Variants in NPAS2 observed in about 807,000 individuals in gnomAD.
NPAS2 encodes the protein neuronal PAS domain-containing protein 2.
Under a neutral mutation model 107.5 loss-of-function variants are expected in NPAS2, and 23 were observed. That is an observed-to-expected ratio of 0.21 (90% confidence interval 0.15 to 0.30). The LOEUF is 0.30. Ranked by LOEUF, NPAS2 falls within the 10% of genes least tolerant of loss-of-function variation. The probability of loss-of-function intolerance (pLI) is 1.00; values close to 1 mark genes in which losing one functional copy is unlikely to be tolerated. For synonymous variants in NPAS2, 403 were observed against 417.5 expected (o/e 0.97, Z 0.42); for missense variants, 756 against 1,043.3 (o/e 0.72, Z 3.79).
chr2:100,913,420 G>A (rs1682674734), intron 2 of NPAS2, among the ~76,000 whole-genome samples: 1 of 152,172 alleles, frequency 6.6e-6, no homozygotes, highest in African/African-American at 2.4e-5. Flanking sequence ...TATTTACTCA[G>A]TTAACAGAAC....
intron 1 of NPAS2, among the ~76,000 whole-genome samples, chr2:100,900,562 A>G (rs953820981): frequency 2.6e-5 from 4 of 152,202 alleles, no homozygotes; most frequent in African/African-American, 9.7e-5. Context: ...TGACACTCCT[A>G]GATATATACA....
At chr2:100,842,081 G>GCGCGCACGCACACACACA in intron 1 of NPAS2, among the ~76,000 whole-genome samples, 2 of 148,798 alleles carry the variant, frequency 1.3e-5, no homozygotes, top group Non-Finnish European at 1.5e-5. Context: ...GCATGTACGC[G>GCGCGCACGCACACACACA]CACACACACA....
At chr2:100,898,688 CATT>C (rs1681577682) in intron 1 of NPAS2, among the ~76,000 whole-genome samples, 1 of 151,442 alleles carries the variant, frequency 6.6e-6, no homozygotes, top group African/African-American at 2.4e-5. Context: ...CAGGTTCACT[CATT>C]ATATATCTAA....
At chr2:100,942,170 C>T (rs1674614265) in intron 5 of NPAS2, among the ~76,000 whole-genome samples, 1 of 152,194 alleles carries the variant, frequency 6.6e-6, no homozygotes. Flanking sequence ...CTGTATCATG[C>T]TGGCTCGCCA....
intron 16 of NPAS2, chr2:100,985,983 A>G (rs752754985): frequency 6.6e-6 from 1 of 152,190 alleles, no homozygotes; most frequent in Non-Finnish European, 1.5e-5. Context: ...AACGCATGGT[A>G]ATTGGGTTTG....
intron 5 of NPAS2, among the ~76,000 whole-genome samples, chr2:100,943,626 G>T (rs188365116): frequency 2.0e-4 from 30 of 152,378 alleles, no homozygotes; most frequent in Admixed American, 1.8e-3. Flanking sequence ...ACCAGCAGGG[G>T]CTATGGGAAG....
rs1372892623 is a variant in NPAS2, at chr2:100,993,488, T to C, written c.2253T>C (p.Pro751=). 1 of 1,603,970 alleles carries C rather than the reference T, an allele frequency of 6.2e-7. No homozygotes were observed. Residue 751 remains proline, a synonymous_variant, in exon 20 of 21, where the codon CCT becomes CCC. Coordinates refer to ENST00000335681, the MANE Select transcript of NPAS2 (RefSeq NM_002518.4). Reference sequence around the variant, plus strand: ...CCTCCCAACCATCGCCCCTGCAGCCTGCACAGGCCCGGCAGCAGCCACCGC... The same window carrying C: ...CCTCCCAACCATCGCCCCTGCAGCCCGCACAGGCCCGGCAGCAGCCACCGC... ...FPASQPSPLQ[P]AQARQQPPQH... is the part of the protein sequence containing the mutation.
chr2:100,985,463 G>A (rs1677727250), intron 16 of NPAS2: 1 of 152,202 alleles, frequency 6.6e-6, no homozygotes, highest in Non-Finnish European at 1.5e-5. Context: ...TACATCGATG[G>A]GACAGAGTAG....
intron 1 of NPAS2, among the ~76,000 whole-genome samples, chr2:100,835,798 G>A (rs769225590): frequency 2.6e-5 from 4 of 152,106 alleles, no homozygotes; most frequent in Non-Finnish European, 5.9e-5. Flanking sequence ...ACCCGAGATG[G>A]ACTGAATTTA....
upstream of NPAS2, among the ~76,000 whole-genome samples, chr2:100,819,505 C>T (rs1188556004): frequency 6.6e-6 from 1 of 152,102 alleles, no homozygotes; most frequent in East Asian, 1.9e-4. The surrounding 1 kb of genome is among the most constrained non-coding windows in gnomAD (Gnocchi z 5.8). Flanking sequence ...CCCCGCCGCT[C>T]ATTGAGAAAT....
intron 5 of NPAS2, among the ~76,000 whole-genome samples, chr2:100,948,012 T>G (rs1384233985): frequency 1.3e-5 from 2 of 152,232 alleles, no homozygotes. Flanking sequence ...GTTCCCTCCT[T>G]GGCCCACAGA....
chr2:100,920,640 G>A (rs1248315163), intron 2 of NPAS2, among the ~76,000 whole-genome samples: 2 of 152,126 alleles, frequency 1.3e-5, no homozygotes, highest in East Asian at 3.9e-4. Context: ...TTACTATAAA[G>A]TGTCCTCACC....
At chr2:100,937,648 A>T (rs1304598189) in intron 4 of NPAS2, 105 bp from the exon 5 acceptor site, 1 of 824,292 alleles carries the variant, frequency 1.2e-6, no homozygotes, top group Non-Finnish European at 2.1e-6. Context: ...TATTCTGAGG[A>T]TTATAAAACA....
chr2:100,820,664 G>A lies in NPAS2; in HGVS notation c.-23+250G>A, dbSNP rs1039414245. 6.6e-6 allele frequency among the ~76,000 whole-genome samples: 1 copy of A among 152,110 alleles called. No individual in the cohort carries two copies. Among genetic ancestry groups the A allele is most frequent in the Non-Finnish European group, 1.5e-5 (1 of 67,978 alleles). On this transcript the variant is annotated intron_variant, in intron 1 of 20. Transcript: ENST00000335681. This position sits in a 1 kb window ranked among gnomAD's most constrained non-coding sequence, Gnocchi z 5.6. The stretch of plus-strand genomic sequence containing the variant: ...GCAATCGCTGGGCCGGTGGGCTCCG[G>A]GCGCGTCTCGACGCAGAAGACAGAG...
chr2:100,934,649 G>T (rs1175433176), intron 4 of NPAS2, among the ~76,000 whole-genome samples: 1 of 152,226 alleles, frequency 6.6e-6, no homozygotes, highest in Admixed American at 6.5e-5. Flanking sequence ...CCCTGACTGT[G>T]TCAGGCTTCT....
chr2:100,979,251 A>G (rs1024225062), intron 15 of NPAS2, among the ~76,000 whole-genome samples: 2 of 151,872 alleles, frequency 1.3e-5, no homozygotes, highest in African/African-American at 4.8e-5. Flanking sequence ...AGAAAAAAAA[A>G]CCTGAATACT....
intron 7 of NPAS2, among the ~76,000 whole-genome samples, chr2:100,958,124 G>T (rs533999239): frequency 6.6e-6 from 1 of 152,158 alleles, no homozygotes; most frequent in East Asian, 1.9e-4. Context: ...GGTCACCCTC[G>T]GCAAACATTC....
chr2:100,855,370 C>A (rs1046105801), intron 1 of NPAS2, among the ~76,000 whole-genome samples: 6 of 152,102 alleles, frequency 3.9e-5, no homozygotes, highest in African/African-American at 1.4e-4. Flanking sequence ...GCCTCGACCG[C>A]GGGTAGAGCT....
At chr2:100,982,108 G>A (rs1677479537) in intron 15 of NPAS2, 123 bp from the exon 16 acceptor site, 1 of 1,221,892 alleles carries the variant, frequency 8.2e-7, no homozygotes, top group Admixed American at 2.1e-5. Flanking sequence ...GGGCTCCTTA[G>A]GGATGCTGGG....
Sources: gnomAD v4.1 joint callset for allele counts (sites outside exome capture counted in the v4.1 genomes callset) on GRCh38, gnomAD v4.1.1 for gene constraint, Gnocchi (gnomAD v3.1) non-coding constraint, MANE v1.5 for transcripts, NCBI Gene and HGNC (gene_info 2026-07-23, HGNC 2026-07-21) for gene names.